The following PRKAR1A variants were observed in gnomAD, a reference collection of about 807,000 sequenced individuals.
PRKAR1A encodes the protein protein kinase cAMP-dependent type I regulatory subunit alpha.
Under a neutral mutation model 52.0 loss-of-function variants are expected in PRKAR1A, and 3 were observed. The ratio of observed to expected loss-of-function variants is 0.06; its 90% CI spans 0.03 to 0.15. PRKAR1A has a LOEUF of 0.15. PRKAR1A is among the 10% of genes least tolerant of loss of function. The pLI is 1.00. For synonymous variants in PRKAR1A, 188 were observed against 168.4 expected, an observed-to-expected ratio of 1.12 and a Z score of -0.90; for missense variants, 240 against 477.4, an observed-to-expected ratio of 0.50 and a Z score of 4.63.
chr17:68,484,731 C>T, the PRKAR1A span, among the ~76,000 whole-genome samples: 4 of 152,178 alleles, frequency 2.6e-5, no homozygotes, highest in Non-Finnish European at 5.9e-5. Context: ...TTTGGAATCT[C>T]ATCAAATGTA....
chr17:68,484,602 G>A, the PRKAR1A span, among the ~76,000 whole-genome samples: 1 of 152,044 alleles, frequency 6.6e-6, no homozygotes, highest in African/African-American at 2.4e-5. Context: ...GAGAGTGGAT[G>A]ACCTTGACTT....
At chr17:68,538,647 C>G (rs2086166086) in intron 11 of PRKAR1A, among the ~76,000 whole-genome samples, 1 of 152,120 alleles carries the variant, frequency 6.6e-6, no homozygotes, top group Non-Finnish European at 1.5e-5. Flanking sequence ...CAGGGTTTTG[C>G]TTAGATGGTG....
the PRKAR1A span, among the ~76,000 whole-genome samples, chr17:68,449,717 A>C: frequency 6.6e-6 from 1 of 152,208 alleles, no homozygotes; most frequent in Non-Finnish European, 1.5e-5. Context: ...CCAGAAGCAG[A>C]TGCTGCCGTG....
intron 11 of PRKAR1A, chr17:68,550,981 G>T: frequency 9.7e-7 from 1 of 1,034,492 alleles, no homozygotes; most frequent in Non-Finnish European, 1.2e-6. Flanking sequence ...CTGAAGGTTT[G>T]GAATCTGCCA....
chr17:68,541,759 C>T (rs2086306619), intron 11 of PRKAR1A: 1 of 496,022 alleles, frequency 2.0e-6, no homozygotes, highest in African/African-American at 1.9e-5. Flanking sequence ...ATTTCTGTAT[C>T]CCATAACACC....
chr17:68,521,451 G>A (rs530339153), intron 2 of PRKAR1A, among the ~76,000 whole-genome samples: 14 of 152,216 alleles, frequency 9.2e-5, no homozygotes, highest in South Asian at 2.1e-4. Flanking sequence ...GGCGGGTCTC[G>A]AACTCCTGGA....
At chr17:68,451,113 C>A in the PRKAR1A span, among the ~76,000 whole-genome samples, 1 of 152,234 alleles carries the variant, frequency 6.6e-6, no homozygotes, top group Non-Finnish European at 1.5e-5. Context: ...CTTTCAGAGT[C>A]CTTTCCAAAT....
chr17:68,501,574 G>A, the PRKAR1A span, among the ~76,000 whole-genome samples: 1 of 152,160 alleles, frequency 6.6e-6, no homozygotes, highest in African/African-American at 2.4e-5. Context: ...TCCCACCTCA[G>A]CTTCCTGTGT....
the PRKAR1A span, among the ~76,000 whole-genome samples, chr17:68,442,794 C>T: frequency 6.6e-6 from 1 of 152,188 alleles, no homozygotes; most frequent in African/African-American, 2.4e-5. Context: ...ATGGTTCCAC[C>T]CCTGCCAAAG....
chr17:68,483,861 CAA>C, the PRKAR1A span, among the ~76,000 whole-genome samples: 11 of 95,190 alleles, frequency 1.2e-4, no homozygotes, highest in Admixed American at 2.0e-4. Flanking sequence ...AACTCCGTCT[CAA>C]AAAAAAAAAA....
chr17:68,548,931 A>G (rs1053996298), intron 11 of PRKAR1A, among the ~76,000 whole-genome samples: 2 of 151,414 alleles, frequency 1.3e-5, no homozygotes, highest in Non-Finnish European at 2.9e-5. Context: ...ACGGGGTTTC[A>G]CCGTGTTAGC....
At chr17:68,539,915 C>T in intron 11 of PRKAR1A, 1 of 1,614,174 alleles carries the variant, frequency 6.2e-7, no homozygotes, top group East Asian at 2.2e-5. Context: ...AATAAGGAAC[C>T]CATCATCCCC....
In PRKAR1A at chr17:68,540,434, G is replaced by A. The variant is rs367758094; in HGVS notation, c.973+10433G>A. On this transcript the variant is annotated intron_variant, in intron 11 of 11. Transcript: ENST00000585981. ...TGACGGCCACCTTCATAAGTGTCTC[G>A]TCTCCCTAGAAGTCCCTGTGGGCCT... The A allele has an allele frequency of 2.4e-5, 11 of 464,188 alleles. No individual in the cohort carries two copies. The East Asian group carries it at 3.4e-4, about 14-fold the overall frequency. The allele number at this position is 464,188 out of a possible 1,614,324, so 28.8% of individuals were successfully genotyped here.
Position 68,522,798 on chromosome 17 carries a change from C to T in PRKAR1A, c.220C>T (p.Arg74Cys), listed in dbSNP as rs137853303. The stretch of plus-strand genomic sequence containing the variant: ...TCAGAATCTGCAGAAAGCAGGCACT[C>T]GTACAGACTCAAGGGAGGATGAGAT... Reference protein sequence around the residue: ...QIQNLQKAGTRTDSREDEISP... With the variant: ...QIQNLQKAGTCTDSREDEISP... The change falls in exon 3 of 11, where the codon CGT (arginine) becomes TGT (cysteine). Residue 74 changes from arginine to cysteine, a missense_variant. Physicochemically the swap from Arg to Cys is radical, Grantham distance 180 (BLOSUM62 -3). Coordinates refer to ENST00000589228, the MANE Select transcript of PRKAR1A (RefSeq NM_002734.5). The T allele has an allele frequency of 3.3e-5, 54 of 1,613,940 alleles. No homozygotes were observed. The highest frequency in any genetic ancestry group is 5.3e-5 in the African/African-American group (4 of 74,886).
At chr17:68,496,341 C>T in the PRKAR1A span, among the ~76,000 whole-genome samples, 1 of 151,726 alleles carries the variant, frequency 6.6e-6, no homozygotes, top group African/African-American at 2.4e-5. Flanking sequence ...TGCGCCCGGC[C>T]CTCTCTGCAT....
intron 4 of PRKAR1A, 48 bp from the exon 5 acceptor site, chr17:68,523,968 A>G: frequency 1.2e-6 from 2 of 1,605,016 alleles, no homozygotes; most frequent in African/African-American, 1.3e-5. Flanking sequence ...TTTGAAATTC[A>G]CGGAAGAGAC....
chr17:68,448,188 G>C, the PRKAR1A span: 2 of 152,196 alleles, frequency 1.3e-5, no homozygotes, highest in Non-Finnish European at 2.9e-5. Context: ...AGTCCTCCCG[G>C]ACACCACAGA....
downstream of PRKAR1A, chr17:68,535,812 T>A (rs1490884907): frequency 2.2e-6 from 1 of 453,926 alleles, no homozygotes; most frequent in African/African-American, 2.0e-5. Flanking sequence ...CAGCTGATTT[T>A]TTTTTTAAGC....
chr17:68,453,071 C>G, the PRKAR1A span: 1 of 1,184,188 alleles, frequency 8.4e-7, no homozygotes, highest in Non-Finnish European at 1.3e-6. Context: ...TGCCTTTTGC[C>G]CCCTAGCCTC....
Sources: gnomAD v4.1 joint callset for allele counts (sites outside exome capture counted in the v4.1 genomes callset) on GRCh38, gnomAD v4.1.1 for gene constraint, MANE v1.5 for transcripts, NCBI Gene and HGNC (gene_info 2026-07-23, HGNC 2026-07-21) for gene names.